NXT1: variants seen among roughly 807,000 people sequenced by gnomAD.
NXT1 encodes the protein NTF2-related export protein 1.
Under a neutral mutation model 9.9 loss-of-function variants are expected in NXT1, and 3 were observed. The observed-to-expected ratio is 0.30, with a 90% CI of 0.14 to 0.79. The LOEUF (loss-of-function observed/expected upper bound fraction) is 0.79, where lower values mean the gene tolerates loss of function less well. Among genes scored for constraint, NXT1 ranks in the 30% least tolerant of loss-of-function variants. The probability of loss-of-function intolerance (pLI) is 0.63; values close to 1 mark genes in which losing one functional copy is unlikely to be tolerated. For synonymous variants in NXT1, 53 were observed against 66.5 expected (o/e 0.80, Z 0.99); for missense variants, 91 against 178.2 (o/e 0.51, Z 2.79).
In NXT1 at chr20:23,354,557, A is replaced by C. The variant is rs1394425667; in HGVS notation, c.*93A>C. On this transcript the variant is annotated 3_prime_UTR_variant, in exon 2 of 2. Transcript: ENST00000254998. ...TCAAGGATGTGAGGAACACAAGTTC[A>C]TTTCTGTTGTTGCGGAGACACTGCA... The C allele has an allele frequency of 1.4e-6, 2 of 1,416,478 alleles. No homozygotes were observed. The highest frequency in any genetic ancestry group is 1.9e-6 in the Non-Finnish European group (2 of 1,053,872). The allele number at this position is 1,416,478 out of a possible 1,614,324, so 87.7% of individuals were successfully genotyped here.
At chr20:23,353,743 A>G (rs1462959622) in intron 1 of NXT1, among the ~76,000 whole-genome samples, 1 of 152,222 alleles carries the variant, frequency 6.6e-6, no homozygotes, top group Non-Finnish European at 1.5e-5. Flanking sequence ...TTTTTAAACT[A>G]AACACTTAAG....
intron 1 of NXT1, 28 bp from the exon 2 acceptor site, chr20:23,353,953 G>C: frequency 7.7e-7 from 1 of 1,307,136 alleles, no homozygotes; most frequent in South Asian, 1.4e-5. Flanking sequence ...CATTCACGTG[G>C]CTTCTCTTCA....
At position 23,354,144 on chromosome 20, in the gene NXT1, C is replaced by T. The variant is rs41282288; in HGVS notation, c.103C>T (p.Leu35=). The T allele has an allele frequency of 0.023, 36,836 of 1,614,158 alleles. 604 individuals are homozygous for T. The highest frequency in any genetic ancestry group is 0.057 in the South Asian group (5,182 of 91,086). Residue 35 remains leucine (L), a synonymous_variant, in exon 2 of 2, where the codon CTG becomes TTG. Transcript: ENST00000254998. Reference sequence around the variant, plus strand: ...CACCATGGATAAGCGGCGGCGTTTGCTGTCCCGCCTGTACATGGGCACAGC... The same window carrying T: ...CACCATGGATAAGCGGCGGCGTTTGTTGTCCCGCCTGTACATGGGCACAGC... ...YTTMDKRRRL[L]SRLYMGTATL...
chr20:23,354,701 C>T lies in NXT1; in HGVS notation c.*237C>T, dbSNP rs1980361072. 3.8e-6 allele frequency: 2 copies of T among 526,306 alleles called. No homozygotes were observed. Among genetic ancestry groups the T allele is most frequent in the Non-Finnish European group, 3.4e-6 (1 of 292,352 alleles). The allele number at this position is 526,306 out of a possible 1,614,324, so 32.6% of individuals were successfully genotyped here. A position where few individuals can be genotyped will look rare whatever the true frequency, so the allele number is the denominator to read the frequency against. ...CAAAGTAGTAAACTTTTCTATTTTT[C>T]TACTTGCCCAGTAGAGACTCTGATT... On this transcript the variant is annotated 3_prime_UTR_variant, in exon 2 of 2. Transcript: ENST00000254998.
At chr20:23,351,754 A>G (rs996659358) in intron 1 of NXT1, among the ~76,000 whole-genome samples, 2 of 152,220 alleles carry the variant, frequency 1.3e-5, no homozygotes, top group Non-Finnish European at 2.9e-5. Context: ...ACGCGAGTAC[A>G]AGGACAGCGT....
Position 23,354,458 on chromosome 20 carries a change from C to T in NXT1, c.417C>T (p.Ala139=), listed in dbSNP as rs1980352898. 2 of 1,611,562 alleles carry T rather than the reference C, an allele frequency of 1.2e-6. No homozygotes were observed. The highest frequency in any genetic ancestry group is 1.7e-6 in the Non-Finnish European group (2 of 1,178,622). ...ASDCFRFQDW[A]S is the part of the protein sequence containing the mutation. ...ACTGCTTCCGCTTCCAGGACTGGGC[C>T]AGCTAGTGGGGGTGGCAGAGGTCTC... The change falls in exon 2 of 2, where the codon GCC becomes GCT. Residue 139 remains alanine, a synonymous_variant. Coordinates refer to ENST00000254998, the MANE Select transcript of NXT1 (RefSeq NM_013248.3).
In NXT1 at chr20:23,354,579, T is replaced by C. The variant is rs1980356476; in HGVS notation, c.*115T>C. On this transcript the variant is annotated 3_prime_UTR_variant, in exon 2 of 2. Coordinates refer to ENST00000254998, the MANE Select transcript of NXT1 (RefSeq NM_013248.3). ...TTCATTTCTGTTGTTGCGGAGACAC[T>C]GCAGACTCCACTGTGCCGAGGTTGA... is the stretch of plus-strand genomic sequence containing the variant. 4.2e-6 allele frequency: 5 copies of C among 1,198,988 alleles called. No individual in the cohort carries two copies. The highest frequency in any genetic ancestry group is 5.8e-6 in the Non-Finnish European group (5 of 865,352). 74.3% of individuals were successfully genotyped at this position (1,198,988 alleles called of 1,614,324 possible). A position where few individuals can be genotyped will look rare whatever the true frequency, so the allele number is the denominator to read the frequency against.
chr20:23,352,672 C>G (rs183498411), intron 1 of NXT1, among the ~76,000 whole-genome samples: 1 of 151,680 alleles, frequency 6.6e-6, no homozygotes, highest in African/African-American at 2.4e-5. Context: ...GTACCTGTAC[C>G]CTGAAAAAAG....
At chr20:23,352,649 G>C in intron 1 of NXT1, among the ~76,000 whole-genome samples, 1 of 151,868 alleles carries the variant, frequency 6.6e-6, no homozygotes, top group Non-Finnish European at 1.5e-5. Flanking sequence ...ATGGAGAAAA[G>C]AACATAACAG....
At chr20:23,352,803 T>C (rs1326714767) in intron 1 of NXT1, among the ~76,000 whole-genome samples, 4 of 152,196 alleles carry the variant, frequency 2.6e-5, no homozygotes, top group African/African-American at 9.7e-5. Context: ...CATGCCTTTC[T>C]GTGGAGGCAC....
Position 23,354,481 on chromosome 20 carries a change from C to G in NXT1, c.*17C>G, listed in dbSNP as rs1197923338. On this transcript the variant is annotated 3_prime_UTR_variant, in exon 2 of 2. Coordinates refer to ENST00000254998, the MANE Select transcript of NXT1 (RefSeq NM_013248.3). ...GCCAGCTAGTGGGGGTGGCAGAGGT[C>G]TCTTTGCTTCATTCAGCCCTAGCTC... 6.2e-7 allele frequency: 1 copy of G among 1,602,998 alleles called. No homozygotes were observed. Among genetic ancestry groups the G allele is most frequent in the African/African-American group, 1.3e-5 (1 of 74,802 alleles).
intron 1 of NXT1, among the ~76,000 whole-genome samples, chr20:23,352,182 G>A (rs529704543): frequency 2.0e-5 from 3 of 152,254 alleles, no homozygotes; most frequent in African/African-American, 7.2e-5. Context: ...AGGATGCTGC[G>A]CATAGGTTAT....
chr20:23,352,472 C>T (rs1278443598), intron 1 of NXT1, among the ~76,000 whole-genome samples: 1 of 151,828 alleles, frequency 6.6e-6, no homozygotes, highest in Non-Finnish European at 1.5e-5. Context: ...CTCTTTCCAG[C>T]CCTATGTGGA....
chr20:23,354,277 C>T lies in NXT1; in HGVS notation c.236C>T (p.Pro79Leu). Residue 79 changes from proline to leucine, a missense_variant, in exon 2 of 2, where the codon CCT becomes CTT. Transcript: ENST00000254998. ...CAAATCAGCGTGGTAGACTGCCAGCCTGTTCATGATGAAGCCACACCAAGC... is the reference window on the plus strand; with the variant it reads ...CAAATCAGCGTGGTAGACTGCCAGCTTGTTCATGATGAAGCCACACCAAGC... ...EFQISVVDCQPVHDEATPSQT... is the reference protein window; with the variant it reads ...EFQISVVDCQLVHDEATPSQT... 1 of 1,614,186 alleles carries T rather than the reference C, an allele frequency of 6.2e-7. No individual in the cohort carries two copies.
Position 23,354,115 on chromosome 20 carries a change from A to G in NXT1, c.74A>G (p.Tyr25Cys), listed in dbSNP as rs2122997323. The G allele has an allele frequency of 6.2e-7, 1 of 1,614,174 alleles. No individual in the cohort carries two copies. The highest frequency in any genetic ancestry group is 8.5e-7 in the Non-Finnish European group (1 of 1,180,042). Residue 25 changes from tyrosine to cysteine, a missense_variant, in exon 2 of 2, where the codon TAC (tyrosine) becomes TGC (cysteine). Tyr to Cys is a radical substitution (Grantham distance 194). Coordinates refer to ENST00000254998, the MANE Select transcript of NXT1 (RefSeq NM_013248.3). The part of the protein sequence containing the change: ...RAAEEFVNVY[Y>C]TTMDKRRRLL... Reference sequence around the variant, plus strand: ...GCTGAGGAGTTTGTCAATGTCTACTACACCACCATGGATAAGCGGCGGCGT... The same window carrying G: ...GCTGAGGAGTTTGTCAATGTCTACTGCACCACCATGGATAAGCGGCGGCGT...
chr20:23,354,748 T>C lies in NXT1; in HGVS notation c.*284T>C. On this transcript the variant is annotated 3_prime_UTR_variant, in exon 2 of 2. Coordinates refer to ENST00000254998, the MANE Select transcript of NXT1 (RefSeq NM_013248.3). ...GATTCTGGAAATTCTGACAAATAAT[T>C]TAATAATACACATGTTGCTTCTTTC... 1 of 433,434 alleles carries C rather than the reference T, an allele frequency of 2.3e-6. No individual in the cohort carries two copies. Among genetic ancestry groups the C allele is most frequent in the South Asian group, 3.1e-5 (1 of 32,404 alleles). The allele number at this position is 433,434 out of a possible 1,614,324, so 26.8% of individuals were successfully genotyped here.
At chr20:23,352,808 A>G (rs1375560281) in intron 1 of NXT1, among the ~76,000 whole-genome samples, 1 of 152,068 alleles carries the variant, frequency 6.6e-6, no homozygotes, top group East Asian at 1.9e-4. Flanking sequence ...CTTTCTGTGG[A>G]GGCACTGTGA....
chr20:23,350,893 AAGG>A lies in NXT1; in HGVS notation c.-218_-216del, dbSNP rs1297651714. The A allele has an allele frequency of 2.6e-5, 4 of 151,898 alleles. No individual in the cohort carries two copies. Among genetic ancestry groups the A allele is most frequent in the Non-Finnish European group, 5.9e-5 (4 of 67,958 alleles). The allele number at this position is 151,898 out of a possible 1,614,324, so 9.4% of individuals were successfully genotyped here. ...CGGTGACCCAGAGTAAGCCTCCAAG[AAGG>A]AGGAGGAGGAGAGAAAGGCGGCTCT... On this transcript the variant is annotated 5_prime_UTR_variant, in exon 1 of 2. Transcript: ENST00000254998.
chr20:23,352,866 G>A (rs892929889), intron 1 of NXT1, among the ~76,000 whole-genome samples: 4 of 152,118 alleles, frequency 2.6e-5, no homozygotes, highest in Admixed American at 6.5e-5. Context: ...TAAGCTGGGT[G>A]TCCTCCCTTC....
Sources: allele counts gnomAD v4.1 joint callset (sites outside exome capture counted in the v4.1 genomes callset), GRCh38; gene constraint gnomAD v4.1.1; transcripts MANE v1.5; gene names NCBI Gene and HGNC (gene_info 2026-07-23, HGNC 2026-07-21).